The following SLC4A10 variants were observed in gnomAD, a reference collection of about 807,000 sequenced individuals.
The protein encoded by SLC4A10 is sodium-driven chloride bicarbonate exchanger.
In SLC4A10, 42 loss-of-function variants were observed where a neutral mutation model predicts 137.7. That is an observed-to-expected ratio of 0.30 (90% CI 0.24 to 0.39). The LOEUF (loss-of-function observed/expected upper bound fraction) is 0.39. Among genes scored for constraint, SLC4A10 ranks in the 10% least tolerant of loss-of-function variants. The pLI is 1.00. For synonymous variants in SLC4A10, 474 were observed against 464.1 expected (o/e 1.02, Z -0.27); for missense variants, 925 against 1,355.0 (o/e 0.68, Z 4.98).
intron 2 of SLC4A10, among the ~76,000 whole-genome samples, chr2:161,784,459 T>A (rs1048965341): frequency 2.6e-5 from 4 of 151,848 alleles, no homozygotes; most frequent in Admixed American, 2.0e-4. Flanking sequence ...TCTTCTCAAG[T>A]GCAGCCAGAA....
intron 24 of SLC4A10, among the ~76,000 whole-genome samples, chr2:161,975,458 A>T (rs1699239206): frequency 6.6e-6 from 1 of 152,220 alleles, no homozygotes; most frequent in African/African-American, 2.4e-5. Flanking sequence ...TCAAGTATTT[A>T]AAAAAATCTT....
chr2:161,879,047 C>A, intron 8 of SLC4A10, 84 bp from the exon 9 acceptor site: 1 of 1,187,788 alleles, frequency 8.4e-7, no homozygotes, highest in Non-Finnish European at 1.2e-6. Context: ...TCATGGATTA[C>A]TATATGTGAA....
In SLC4A10 at chr2:161,868,117, G is replaced by A. The variant is rs527300834; in HGVS notation, c.767-4176G>A. The stretch of plus-strand genomic sequence containing the variant: ...TTGGCCAACTATAAATTTAAAAGTT[G>A]CTAAGCTGCTGTTTTATAATACATA... On this transcript the variant is annotated intron_variant, in intron 6 of 26. Coordinates refer to ENST00000446997, the MANE Select transcript of SLC4A10 (RefSeq NM_001178015.2). Among the ~76,000 whole-genome samples the A allele has an allele frequency of 1.1e-4, 16 of 151,920 alleles. No homozygotes were observed. The East Asian group carries it at 2.7e-3, about 26-fold the overall frequency.
At chr2:161,708,973 C>A in intron 1 of SLC4A10, 1 of 961,570 alleles carries the variant, frequency 1.0e-6, no homozygotes, top group African/African-American at 1.7e-5. Flanking sequence ...AGATTTATGG[C>A]AGCTAAACAA....
intron 15 of SLC4A10, among the ~76,000 whole-genome samples, chr2:161,934,048 A>G (rs1024666702): frequency 1.3e-5 from 2 of 152,166 alleles, no homozygotes; most frequent in Non-Finnish European, 2.9e-5. Context: ...GTAAGTGTGT[A>G]TATGTATGGG....
chr2:161,863,597 G>A (rs2125893391), intron 6 of SLC4A10, among the ~76,000 whole-genome samples: 1 of 152,242 alleles, frequency 6.6e-6, no homozygotes, highest in Admixed American at 6.5e-5. Context: ...CGGTTCAAGG[G>A]CTCATTGCTG....
At chr2:161,978,470 C>T (rs1008887690) in intron 26 of SLC4A10, among the ~76,000 whole-genome samples, 3 of 151,664 alleles carry the variant, frequency 2.0e-5, no homozygotes, top group Admixed American at 2.0e-4. Context: ...TATGTACCAC[C>T]ATGCCTCCAG....
intron 1 of SLC4A10, among the ~76,000 whole-genome samples, chr2:161,745,250 T>C (rs2048283358): frequency 6.6e-6 from 1 of 152,124 alleles, no homozygotes; most frequent in South Asian, 2.1e-4. Context: ...TTATTTTTTA[T>C]TTTTTCATCT....
At chr2:161,734,607 AT>A (rs1294765909) in intron 1 of SLC4A10, among the ~76,000 whole-genome samples, 20 of 152,096 alleles carry the variant, frequency 1.3e-4, no homozygotes, top group Non-Finnish European at 2.9e-4. Context: ...AGTTTTATCT[AT>A]TTTTTATTTG....
intron 21 of SLC4A10, 91 bp downstream of exon 21, chr2:161,958,646 C>T (rs894579512): frequency 2.4e-6 from 2 of 838,510 alleles, no homozygotes; most frequent in African/African-American, 3.5e-5. Context: ...AATGCCACCA[C>T]CTGAGGAACA....
rs1308079048 is a variant in SLC4A10 at position 161,977,724 on chromosome 2, C to A, written c.3347C>A (p.Ser1116Tyr). The part of the protein sequence containing the change: ...DKESSFPSKS[S>Y]PS Reference sequence around the variant, plus strand: ...TTATATTACATTTTTGTCATAAGCTCCCCTTCCTAATCACTCTAGAAGCTG... The same window carrying A: ...TTATATTACATTTTTGTCATAAGCTACCCTTCCTAATCACTCTAGAAGCTG... The change falls in exon 26 of 27, where the codon TCC becomes TAC. Residue 1116 changes from serine to tyrosine, a missense_variant and splice_region_variant. This residue lies in a region of SLC4A10 where 84 missense variants were observed against 76.9 expected (regional missense o/e 1.09). Transcript: ENST00000446997. 1.9e-6 allele frequency: 3 copies of A among 1,600,276 alleles called. No individual in the cohort carries two copies. The highest frequency in any genetic ancestry group is 1.7e-4 in the Middle Eastern group (1 of 6,000).
At chr2:161,938,433 A>T (rs1030903690) in intron 15 of SLC4A10, among the ~76,000 whole-genome samples, 1 of 152,026 alleles carries the variant, frequency 6.6e-6, no homozygotes, top group Non-Finnish European at 1.5e-5. Context: ...GTGAGGATTC[A>T]TTACATGCAA....
chr2:161,652,316 T>C (rs1198789089), intron 1 of SLC4A10, among the ~76,000 whole-genome samples: 1 of 152,238 alleles, frequency 6.6e-6, no homozygotes, highest in Non-Finnish European at 1.5e-5. Flanking sequence ...CGTTGGGGTA[T>C]GAGTCAATAC....
intron 2 of SLC4A10, among the ~76,000 whole-genome samples, chr2:161,799,751 G>A (rs1185645557): frequency 1.3e-5 from 2 of 151,530 alleles, no homozygotes; most frequent in Non-Finnish European, 3.0e-5. Context: ...TATTTATTTT[G>A]TCCTGAAAAC....
intron 3 of SLC4A10, among the ~76,000 whole-genome samples, chr2:161,830,127 A>G (rs1180389803): frequency 1.3e-5 from 2 of 151,548 alleles, no homozygotes; most frequent in Non-Finnish European, 2.9e-5. Flanking sequence ...TGCACATTTC[A>G]GCTCCCAAGG....
At chr2:161,846,741 A>G (rs939174617) in intron 4 of SLC4A10, among the ~76,000 whole-genome samples, 1 of 152,234 alleles carries the variant, frequency 6.6e-6, no homozygotes, top group Admixed American at 6.5e-5. Flanking sequence ...TGCAAACTAT[A>G]TGATTCCATT....
intron 4 of SLC4A10, among the ~76,000 whole-genome samples, chr2:161,852,448 C>T (rs904677506): frequency 2.0e-5 from 3 of 152,150 alleles, no homozygotes; most frequent in Non-Finnish European, 4.4e-5. Flanking sequence ...GATGCCACTT[C>T]CTTATGGAAA....
intron 2 of SLC4A10, among the ~76,000 whole-genome samples, chr2:161,788,849 G>C (rs1241483139): frequency 6.6e-6 from 1 of 152,100 alleles, no homozygotes; most frequent in East Asian, 1.9e-4. Flanking sequence ...TAGCTGCCAC[G>C]AAGAGTGCTG....
intron 7 of SLC4A10, 147 bp downstream of exon 7, chr2:161,872,531 A>G: frequency 1.9e-6 from 1 of 534,924 alleles, no homozygotes; most frequent in Non-Finnish European, 3.2e-6. Context: ...GTTAGCATTA[A>G]GTCCACATGT....
Sources: allele counts gnomAD v4.1 joint callset (sites outside exome capture counted in the v4.1 genomes callset), GRCh38; gene constraint gnomAD v4.1.1; regional missense constraint gnomAD v4.1.1; transcripts MANE v1.5; gene names NCBI Gene and HGNC (gene_info 2026-07-23, HGNC 2026-07-21).